Variants in NKAIN2 observed in about 807,000 individuals in gnomAD.
NKAIN2 encodes the protein sodium/potassium-transporting ATPase subunit beta-1-interacting protein 2.
Under a neutral mutation model 32.6 loss-of-function variants are expected in NKAIN2, and 14 were observed. That is an observed-to-expected ratio of 0.43 (90% CI 0.28 to 0.67). The LOEUF (loss-of-function observed/expected upper bound fraction) is 0.67, where lower values mean the gene tolerates loss of function less well. NKAIN2 is among the 30% of genes least tolerant of loss of function. The pLI is 0.17. For missense variants in NKAIN2, 198 were observed against 258.3 expected, an observed-to-expected ratio of 0.77 and a Z score of 1.60; for synonymous variants, 80 against 87.2, an observed-to-expected ratio of 0.92 and a Z score of 0.46.
intron 3 of NKAIN2, among the ~76,000 whole-genome samples, chr6:124,406,474 G>A (rs1446722675): frequency 6.6e-6 from 1 of 152,032 alleles, no homozygotes; most frequent in African/African-American, 2.4e-5. Context: ...AGCTACTGAT[G>A]GGCATTCAGG....
intron 4 of NKAIN2, among the ~76,000 whole-genome samples, chr6:124,761,900 A>G (rs1483599925): frequency 1.3e-5 from 2 of 152,182 alleles, no homozygotes; most frequent in East Asian, 3.9e-4. Context: ...ATATGTCTCC[A>G]AAATGTGCAG....
At chr6:124,708,814 A>T (rs990021093) in intron 4 of NKAIN2, among the ~76,000 whole-genome samples, 8 of 148,234 alleles carry the variant, frequency 5.4e-5, no homozygotes, top group Non-Finnish European at 3.0e-5. Flanking sequence ...TCTTTTCCTA[A>T]TTGAATACCC....
chr6:124,358,655 G>T (rs1160380710), intron 3 of NKAIN2, among the ~76,000 whole-genome samples: 1 of 152,084 alleles, frequency 6.6e-6, no homozygotes, highest in Non-Finnish European at 1.5e-5. Context: ...TGAGTTCATT[G>T]TAGATTCTGG....
intron 3 of NKAIN2, among the ~76,000 whole-genome samples, chr6:124,495,035 A>G (rs1405639911): frequency 6.6e-6 from 1 of 152,158 alleles, no homozygotes; most frequent in Non-Finnish European, 1.5e-5. Flanking sequence ...TGATAATGTT[A>G]TAATAAATGC....
At chr6:124,782,841 C>T (rs1195618470) in intron 4 of NKAIN2, among the ~76,000 whole-genome samples, 1 of 152,070 alleles carries the variant, frequency 6.6e-6, no homozygotes, top group Non-Finnish European at 1.5e-5. Flanking sequence ...AATCAGAGTT[C>T]CTTTTGCACA....
chr6:124,415,465 A>G lies in NKAIN2; in HGVS notation c.273+60118A>G, dbSNP rs190441657. Reference sequence around the variant, plus strand: ...ATCCTGGCTATGCCACCCTCCAGGAACCCACATGCGTTCAGCTATCCAGAA... The same window carrying G: ...ATCCTGGCTATGCCACCCTCCAGGAGCCCACATGCGTTCAGCTATCCAGAA... On this transcript the variant is annotated intron_variant, in intron 3 of 6. Coordinates refer to ENST00000368417, the MANE Select transcript of NKAIN2 (RefSeq NM_001040214.3). Among the ~76,000 whole-genome samples the G allele has an allele frequency of 2.0e-5, 3 of 152,324 alleles. No individual in the cohort carries two copies. In the East Asian group the frequency reaches 5.8e-4, roughly 29 times the overall value.
chr6:124,669,786 C>A (rs545021475), intron 4 of NKAIN2, among the ~76,000 whole-genome samples: 1 of 151,710 alleles, frequency 6.6e-6, no homozygotes, highest in African/African-American at 2.4e-5. Context: ...TCTCCACCTC[C>A]GTTTCTCACA....
intron 3 of NKAIN2, among the ~76,000 whole-genome samples, chr6:124,588,970 T>G (rs1781809351): frequency 6.6e-6 from 1 of 152,194 alleles, no homozygotes; most frequent in Admixed American, 6.5e-5. Context: ...ATAATATACT[T>G]TTAATGTATT....
intron 1 of NKAIN2, among the ~76,000 whole-genome samples, chr6:123,972,281 G>A (rs1778380648): frequency 6.6e-6 from 1 of 152,126 alleles, no homozygotes; most frequent in Non-Finnish European, 1.5e-5. Flanking sequence ...TGAGGGGTTG[G>A]CACCCATAAC....
At chr6:124,110,366 T>C (rs163284) in intron 1 of NKAIN2, among the ~76,000 whole-genome samples, 100,725 of 151,898 alleles carry the variant, frequency 0.66, 33,621 homozygotes, top group East Asian at 0.84. Flanking sequence ...CTTGATTAAA[T>C]GGTTTCTGCT....
At chr6:124,334,971 G>A (rs1797808091) in intron 2 of NKAIN2, among the ~76,000 whole-genome samples, 1 of 152,140 alleles carries the variant, frequency 6.6e-6, no homozygotes, top group Admixed American at 6.5e-5. Context: ...CTTTCTCACT[G>A]TTATGATTTT....
chr6:124,018,961 A>G (rs1438142749), intron 1 of NKAIN2, among the ~76,000 whole-genome samples: 1 of 152,198 alleles, frequency 6.6e-6, no homozygotes. Context: ...AAGAGGTTTA[A>G]TGGATTCACA....
At chr6:123,823,872 T>C (rs1277331098) in intron 1 of NKAIN2, among the ~76,000 whole-genome samples, 1 of 152,088 alleles carries the variant, frequency 6.6e-6, no homozygotes, top group Non-Finnish European at 1.5e-5. Context: ...GAGTTTTTGA[T>C]AGGGTAGTTT....
At chr6:124,483,698 T>C (rs1777544772) in intron 3 of NKAIN2, among the ~76,000 whole-genome samples, 1 of 152,100 alleles carries the variant, frequency 6.6e-6, no homozygotes, top group African/African-American at 2.4e-5. Flanking sequence ...TTTAAATCTA[T>C]GCAAGGACAG....
chr6:124,397,644 T>TA (rs66695429), intron 3 of NKAIN2, among the ~76,000 whole-genome samples: 26 of 151,358 alleles, frequency 1.7e-4, no homozygotes, highest in Middle Eastern at 3.4e-3. Context: ...AAAAAGAATT[T>TA]AAAAAAAAAC....
chr6:124,157,050 C>T (rs1788020890), intron 1 of NKAIN2, among the ~76,000 whole-genome samples: 1 of 128,364 alleles, frequency 7.8e-6, no homozygotes, highest in Non-Finnish European at 1.6e-5. Context: ...TTGCAGTGAG[C>T]CGAGATCGAG....
At chr6:124,670,133 A>G (rs1773026253) in intron 4 of NKAIN2, among the ~76,000 whole-genome samples, 1 of 152,164 alleles carries the variant, frequency 6.6e-6, no homozygotes, top group Non-Finnish European at 1.5e-5. Flanking sequence ...CTATGTAACT[A>G]AATTTTAGAG....
intron 2 of NKAIN2, among the ~76,000 whole-genome samples, chr6:124,347,584 T>G (rs1247720965): frequency 6.6e-6 from 1 of 152,184 alleles, no homozygotes; most frequent in Non-Finnish European, 1.5e-5. Flanking sequence ...TTTCATTCAT[T>G]TCATCTTCCG....
rs549368324 is a variant in NKAIN2 at position 124,238,386 on chromosome 6, G to C, written c.55-44619G>C. ...GAAAAAGAGAAACAAGGCTAAAATA[G>C]GTTGAAGGATTTCAGACAAGTAGGA... On this transcript the variant is annotated intron_variant, in intron 1 of 6. Transcript: ENST00000368417. 3.3e-4 allele frequency among the ~76,000 whole-genome samples: 50 copies of C among 152,226 alleles called. 1 individual carries two copies. The highest frequency in any genetic ancestry group is 6.2e-4 in the South Asian group (3 of 4,826).
Sources: allele counts gnomAD v4.1 joint callset (sites outside exome capture counted in the v4.1 genomes callset), GRCh38; gene constraint gnomAD v4.1.1; transcripts MANE v1.5; gene names NCBI Gene and HGNC (gene_info 2026-07-23, HGNC 2026-07-21).